The following TRPV6 variants were observed in gnomAD, a reference collection of about 807,000 sequenced individuals.
TRPV6 encodes transient receptor potential cation channel subfamily V member 6, also known as Alu-binding protein with zinc finger domain.
In TRPV6, 39 loss-of-function variants were observed where a neutral mutation model predicts 79.0. The observed-to-expected ratio is 0.49, with a 90% CI of 0.38 to 0.64. The LOEUF (loss-of-function observed/expected upper bound fraction) is 0.64. TRPV6 is among the 30% of genes least tolerant of loss of function. TRPV6 has a pLI of 0.00. For synonymous variants in TRPV6, 373 were observed against 391.9 expected, an observed-to-expected ratio of 0.95 and a Z score of 0.57; for missense variants, 813 against 1,011.1, an observed-to-expected ratio of 0.80 and a Z score of 2.66.
intron 6 of TRPV6, 174 bp from the exon 7 acceptor site, chr7:142,876,078 C>T: frequency 1.4e-6 from 1 of 725,570 alleles, no homozygotes; most frequent in Non-Finnish European, 2.2e-6. Context: ...TTCATAGGTT[C>T]CTCATCCTCT....
chr7:142,873,306 G>A lies in TRPV6; in HGVS notation c.1908+142C>T. 8.6e-7 allele frequency: 1 copy of A among 1,163,296 alleles called. No individual in the cohort carries two copies. The highest frequency in any genetic ancestry group is 1.4e-5 in the South Asian group (1 of 70,896). 72.1% of individuals were successfully genotyped at this position (1,163,296 alleles called of 1,614,324 possible). A position where few individuals can be genotyped will look rare whatever the true frequency, so the allele number is the denominator to read the frequency against. On this transcript the variant is annotated intron_variant, in intron 13 of 14. Coordinates refer to ENST00000359396, the MANE Select transcript of TRPV6 (RefSeq NM_018646.6). The surrounding 1 kb of genome is among the most constrained non-coding windows in gnomAD (Gnocchi z 4.8). ...GGTTGAATTGCTAATCAGTGCTTCT[G>A]TACATTTTGCATGATTTTGCTAGCT...
chr7:142,885,274 G>A, intron 1 of TRPV6, 115 bp downstream of exon 1: 1 of 1,301,122 alleles, frequency 7.7e-7, no homozygotes. Context: ...CCGGGCCTGG[G>A]AGCACCATCT....
chr7:142,872,453 T>C lies in TRPV6; in HGVS notation c.1934A>G (p.Glu645Gly), dbSNP rs1445050339. The stretch of plus-strand genomic sequence containing the variant: ...CCACAGGCAGCGAGGCAGCTTCCGC[T>C]CCAGCATCACTGTGGTGGCCACAAT... The change falls in exon 14 of 15, where the codon GAG becomes GGG. Residue 645 changes from glutamate to glycine, a missense_variant. Glu to Gly is a moderately conservative substitution (Grantham distance 98). Transcript: ENST00000359396. 1 of 1,614,042 alleles carries C rather than the reference T, an allele frequency of 6.2e-7. No homozygotes were observed. The highest frequency in any genetic ancestry group is 2.2e-5 in the East Asian group (1 of 44,882).
Position 142,873,951 on chromosome 7 carries a change from C to T in TRPV6, c.1639+125G>A. 8.2e-7 allele frequency: 1 copy of T among 1,218,380 alleles called. No individual in the cohort carries two copies. Among genetic ancestry groups the T allele is most frequent in the South Asian group, 1.3e-5 (1 of 75,700 alleles). 75.5% of individuals were successfully genotyped at this position (1,218,380 alleles called of 1,614,324 possible). A position where few individuals can be genotyped will look rare whatever the true frequency, so the allele number is the denominator to read the frequency against. ...TCACCTCTGGAGGACGTCCCATCCT[C>T]TGATACCATAGGTCTCCTCTGATCT... On this transcript the variant is annotated intron_variant, in intron 12 of 14. Coordinates refer to ENST00000359396, the MANE Select transcript of TRPV6 (RefSeq NM_018646.6). This position sits in a 1 kb window ranked among gnomAD's most constrained non-coding sequence, Gnocchi z 4.8.
At chr7:142,881,193 A>G (rs1795183477) in intron 1 of TRPV6, 1 of 152,174 alleles carries the variant, frequency 6.6e-6, no homozygotes, top group Non-Finnish European at 1.5e-5. Context: ...CACAGAGCTG[A>G]CCTACTCAAA....
intron 10 of TRPV6, 93 bp from the exon 11 acceptor site, chr7:142,874,749 G>A: frequency 3.9e-6 from 6 of 1,557,706 alleles, no homozygotes; most frequent in Non-Finnish European, 5.3e-6. Context: ...ACCCACACAT[G>A]CAGATTCAGC....
intron 1 of TRPV6, chr7:142,885,031 G>C (rs1203680522): frequency 5.7e-6 from 1 of 176,140 alleles, no homozygotes; most frequent in Non-Finnish European, 1.2e-5. Context: ...AAGCAGTGGA[G>C]ATACAGAAGG....
Position 142,876,800 on chromosome 7 carries a change from A to G in TRPV6, c.645T>C (p.Ser215=), listed in dbSNP as rs772682691. Residue 215 remains serine, a synonymous_variant, in exon 5 of 15, where the codon AGT becomes AGC. Transcript: ENST00000359396. ...CAATGAGCAGCCGCACGATCTCCTC[A>G]CTGTTCACACAGGCAGCAAAGGACA... is the stretch of plus-strand genomic sequence containing the variant. 6.6e-5 allele frequency: 107 copies of G among 1,613,818 alleles called. 5 individuals carry two copies. Among genetic ancestry groups the G allele is most frequent in the South Asian group, 2.7e-4 (25 of 91,058 alleles).
rs4987657 is a variant in TRPV6 at position 142,877,160 on chromosome 7, A to G, written c.589T>C (p.Cys197Arg). 150,588 of 1,614,008 alleles carry G rather than the reference A, an allele frequency of 0.093. 14,783 individuals carry two copies. The highest frequency in any genetic ancestry group is 0.52 in the African/African-American group (38,982 of 74,968). Residue 197 changes from cysteine (C) to arginine (R), a missense_variant, in exon 4 of 15, where the codon TGC (cysteine) becomes CGC (arginine). By Grantham distance (180) the Cys-to-Arg change is radical (BLOSUM62 -3). Coordinates refer to ENST00000359396, the MANE Select transcript of TRPV6 (RefSeq NM_018646.6). ...CTCTCACCAAAGTAGATGAGGTTGC[A>G]GGGACTACGGCGGAAGGCAGTGCCT...
intron 1 of TRPV6, chr7:142,883,199 A>C (rs1017412052): frequency 6.6e-6 from 1 of 152,250 alleles, no homozygotes; most frequent in African/African-American, 2.4e-5. Context: ...ACCCAAGCCC[A>C]AGGGGGAGAT....
chr7:142,884,399 C>T (rs1586196856), intron 1 of TRPV6: 1 of 152,372 alleles, frequency 6.6e-6, no homozygotes, highest in African/African-American at 2.4e-5. Flanking sequence ...AGACTTCAGG[C>T]TTTCCTCTAT....
intron 3 of TRPV6, 100 bp from the exon 4 acceptor site, chr7:142,877,379 G>A (rs1795098666): frequency 6.4e-7 from 1 of 1,551,182 alleles, no homozygotes; most frequent in Non-Finnish European, 8.7e-7. Context: ...GGGTAGCCTG[G>A]GATGGAGAAC....
In TRPV6 at chr7:142,877,273, G is replaced by A; in HGVS notation, c.476C>T (p.Thr159Ile). ...GTTCACAACAGCGATGTGCAGTGCA[G>A]TCTGACCTGGCCCAGAGACAGCTGT... The change falls in exon 4 of 15, where the codon ACT (threonine) becomes ATT (isoleucine). Residue 159 changes from threonine to isoleucine, a missense_variant. Thr to Ile is a moderately conservative substitution (Grantham distance 89). This residue lies in a region of TRPV6 where 555 missense variants were observed against 631.0 expected (regional missense o/e 0.88). Transcript: ENST00000359396. 1 of 1,614,014 alleles carries A rather than the reference G, an allele frequency of 6.2e-7. No individual in the cohort carries two copies. The highest frequency in any genetic ancestry group is 8.5e-7 in the Non-Finnish European group (1 of 1,179,848).
intron 6 of TRPV6, 172 bp downstream of exon 6, chr7:142,876,236 G>T: frequency 1.0e-6 from 1 of 1,000,800 alleles, no homozygotes. Context: ...CAGGGGAAAA[G>T]GAGTGGGCAA....
intron 10 of TRPV6, 27 bp from the exon 11 acceptor site, chr7:142,874,683 AGG>A: frequency 6.2e-7 from 1 of 1,605,786 alleles, no homozygotes; most frequent in Non-Finnish European, 8.5e-7. Flanking sequence ...GAGGGTGATG[AGG>A]GGAGGGCTGG....
chr7:142,874,224 G>C (rs997933614), intron 11 of TRPV6, 82 bp from the exon 12 acceptor site: 1 of 1,471,448 alleles, frequency 6.8e-7, no homozygotes, highest in Non-Finnish European at 9.4e-7. Context: ...GTCTCACCCC[G>C]ACAAGTCTCA....
chr7:142,877,305 C>T (rs758191338), intron 3 of TRPV6, 26 bp from the exon 4 acceptor site: 36 of 1,611,200 alleles, frequency 2.2e-5, no homozygotes, highest in Admixed American at 3.3e-5. Flanking sequence ...CTGTCAGTCA[C>T]GGGTCTGTCC....
At position 142,875,499 on chromosome 7, in the gene TRPV6, T is replaced by C. The variant is rs377233085; in HGVS notation, c.1211A>G (p.Asp404Gly). Reference sequence around the variant, plus strand: ...TAGCTTCTGCTGTAAGAGGGTGTTGTCCCGGGGGCTCGTGCGGTTATTGGT... The same window carrying C: ...TAGCTTCTGCTGTAAGAGGGTGTTGCCCCGGGGGCTCGTGCGGTTATTGGT... The change falls in exon 8 of 15, where the codon GAC becomes GGC. Residue 404 changes from aspartate (D) to glycine (G), a missense_variant. Coordinates refer to ENST00000359396, the MANE Select transcript of TRPV6 (RefSeq NM_018646.6). 2 of 1,599,196 alleles carry C rather than the reference T, an allele frequency of 1.3e-6. No individual in the cohort carries two copies. The highest frequency in any genetic ancestry group is 1.7e-6 in the Non-Finnish European group (2 of 1,174,218).
At chr7:142,879,061 G>C (rs1186505318) in intron 1 of TRPV6, 1 of 152,198 alleles carries the variant, frequency 6.6e-6, no homozygotes, top group African/African-American at 2.4e-5. Context: ...TGTCTAGAGG[G>C]CTTTAGATAC....
Sources: allele counts gnomAD v4.1 joint callset, GRCh38; gene constraint gnomAD v4.1.1; regional missense constraint gnomAD v4.1.1; non-coding constraint Gnocchi (gnomAD v3.1); transcripts MANE v1.5; gene names NCBI Gene and HGNC (gene_info 2026-07-23, HGNC 2026-07-21).